The following ABCC9 variants were observed in gnomAD, a reference collection of about 807,000 sequenced individuals.
ABCC9 encodes ATP binding cassette subfamily C member 9, also known as ATP-binding cassette sub-family C member 9.
ABCC9 carries 95 observed loss-of-function variants against 188.3 expected under a neutral mutation model. The ratio of observed to expected loss-of-function variants is 0.50; its 90% CI spans 0.43 to 0.60. The LOEUF (loss-of-function observed/expected upper bound fraction) is 0.60. ABCC9 is among the 20% of genes least tolerant of loss of function. ABCC9 has a pLI of 0.00. For synonymous variants in ABCC9, 659 were observed against 652.7 expected, an observed-to-expected ratio of 1.01 and a Z score of -0.15; for missense variants, 1,102 against 1,876.3, an observed-to-expected ratio of 0.59 and a Z score of 7.62.
chr12:21,828,173 C>T (rs1025878795), intron 31 of ABCC9, among the ~76,000 whole-genome samples: 10 of 152,178 alleles, frequency 6.6e-5, no homozygotes, highest in African/African-American at 2.2e-4. Context: ...GTAGCTTATC[C>T]ATGTTCCGGA....
At chr12:21,927,087 G>A (rs2138008202) in intron 4 of ABCC9, among the ~76,000 whole-genome samples, 1 of 152,288 alleles carries the variant, frequency 6.6e-6, no homozygotes, top group Admixed American at 6.5e-5. Flanking sequence ...CACTGGTCAG[G>A]AAAAGGGTCA....
At chr12:21,900,039 G>A (rs1947641669) in intron 12 of ABCC9, among the ~76,000 whole-genome samples, 2 of 152,218 alleles carry the variant, frequency 1.3e-5, no homozygotes, top group African/African-American at 4.8e-5. Flanking sequence ...CCCCCAAGTA[G>A]CCTAACTGGG....
At chr12:21,894,324 A>G in intron 13 of ABCC9, 150 bp from the exon 14 acceptor site, 2 of 939,310 alleles carry the variant, frequency 2.1e-6, no homozygotes, top group Admixed American at 2.0e-5. Flanking sequence ...CCTAATTAAA[A>G]CAATACTTGC....
At chr12:21,814,018 T>C (rs375075881) in intron 35 of ABCC9, among the ~76,000 whole-genome samples, 29 of 152,316 alleles carry the variant, frequency 1.9e-4, no homozygotes, top group African/African-American at 7.0e-4. Flanking sequence ...ATAGGCCACT[T>C]GATAGACTAA....
At chr12:21,939,885 C>T (rs1047620394) in intron 2 of ABCC9, among the ~76,000 whole-genome samples, 1 of 152,178 alleles carries the variant, frequency 6.6e-6, no homozygotes, top group Admixed American at 6.5e-5. Flanking sequence ...AAGAATCGCA[C>T]CCTCAGTGTT....
intron 39 of ABCC9, chr12:21,805,188 T>A (rs536847089): frequency 6.2e-7 from 1 of 1,613,964 alleles, no homozygotes; most frequent in Non-Finnish European, 8.5e-7. Context: ...TTGTTGGTCA[T>A]CACCAAAGTG....
At chr12:21,928,246 G>A (rs999410393) in intron 4 of ABCC9, among the ~76,000 whole-genome samples, 1 of 143,698 alleles carries the variant, frequency 7.0e-6, no homozygotes, top group African/African-American at 2.6e-5. Flanking sequence ...GAAAGGAAGG[G>A]GAGGGGAGGG....
chr12:21,811,184 C>T (rs1942211514), intron 36 of ABCC9, among the ~76,000 whole-genome samples: 3 of 152,112 alleles, frequency 2.0e-5, no homozygotes, highest in African/African-American at 7.2e-5. Flanking sequence ...CCCCTTCACT[C>T]TCCCTCTTTC....
At chr12:21,893,829 G>T (rs879781793) in intron 14 of ABCC9, among the ~76,000 whole-genome samples, 2 of 152,076 alleles carry the variant, frequency 1.3e-5, no homozygotes, top group Non-Finnish European at 2.9e-5. Flanking sequence ...AAAAATGCTA[G>T]ATAAATTTAA....
chr12:21,861,865 T>C (rs1445670654), intron 20 of ABCC9, among the ~76,000 whole-genome samples: 1 of 152,042 alleles, frequency 6.6e-6, no homozygotes, highest in Non-Finnish European at 1.5e-5. Flanking sequence ...CACACTGTCA[T>C]GCATGCTGAA....
At chr12:21,915,364 A>ATG (rs1948525228) in intron 7 of ABCC9, among the ~76,000 whole-genome samples, 1 of 139,038 alleles carries the variant, frequency 7.2e-6, no homozygotes, top group South Asian at 2.3e-4. Context: ...TATAATGTGT[A>ATG]TATATGTGTG....
rs1555121921 is a variant in ABCC9, at chr12:21,928,346, A to AAAAGAGAAAGAAAG, written c.285-2297_285-2284dup. On this transcript the variant is annotated intron_variant, in intron 4 of 39. Coordinates refer to ENST00000261200, the MANE Select transcript of ABCC9 (RefSeq NM_020297.4). The stretch of plus-strand genomic sequence containing the variant: ...AAGGAAGGAAGGAAGGAAGGGAAGA[A>AAAAGAGAAAGAAAG]AAAGAGAAAGAAAGAAAGAAAAAGA... 7.7e-4 allele frequency among the ~76,000 whole-genome samples: 109 copies of AAAAGAGAAAGAAAG among 141,754 alleles called. No homozygotes were observed. In the Middle Eastern group the frequency reaches 0.014, roughly 19 times the overall value. The allele number at this position is 141,754 out of a possible 152,430, so 93.0% of individuals were successfully genotyped here.
chr12:21,935,742 A>G (rs997203397), intron 3 of ABCC9, among the ~76,000 whole-genome samples: 1 of 152,074 alleles, frequency 6.6e-6, no homozygotes, highest in Non-Finnish European at 1.5e-5. Context: ...TTATTTCTAT[A>G]TTCTTTAGAT....
rs148173267 is a variant in ABCC9 at position 21,882,995 on chromosome 12, T to C, written c.1912-122A>G. 2,412 of 759,316 alleles carry C rather than the reference T, an allele frequency of 3.2e-3. 3 individuals are homozygous for C. Among genetic ancestry groups the C allele is most frequent in the Admixed American group, 4.7e-3 (216 of 46,378 alleles). The allele number at this position is 759,316 out of a possible 1,614,324, so 47.0% of individuals were successfully genotyped here. A position where few individuals can be genotyped will look rare whatever the true frequency, so the allele number is the denominator to read the frequency against. On this transcript the variant is annotated intron_variant, in intron 15 of 39. Coordinates refer to ENST00000261200, the MANE Select transcript of ABCC9 (RefSeq NM_020297.4). ...AAAGAAGTGGATGTTATATTTTAATTATTTCAGTGACTCCTTCATAAAAAA... is the reference window on the plus strand; with the variant it reads ...AAAGAAGTGGATGTTATATTTTAATCATTTCAGTGACTCCTTCATAAAAAA...
At position 21,895,296 on chromosome 12, in the gene ABCC9, A is replaced by G. The variant is rs370463895; in HGVS notation, c.1638T>C (p.Ile546=). Residue 546 remains isoleucine (I), a synonymous_variant, in exon 13 of 40, where the codon ATT becomes ATC. Coordinates refer to ENST00000261200, the MANE Select transcript of ABCC9 (RefSeq NM_020297.4). Reference sequence around the variant, plus strand: ...TTACAGCAAGAACAGCTGCTATGGGAATTGCTGCATTCATGAAGACTGTGG... The same window carrying G: ...TTACAGCAAGAACAGCTGCTATGGGGATTGCTGCATTCATGAAGACTGTGG... ...TSLSIFMNAA[I]PIAAVLATFV... is the part of the protein sequence containing the mutation. 8 of 1,613,776 alleles carry G rather than the reference A, an allele frequency of 5.0e-6. No individual in the cohort carries two copies. The highest frequency in any genetic ancestry group is 6.8e-6 in the Non-Finnish European group (8 of 1,179,722).
intron 30 of ABCC9, among the ~76,000 whole-genome samples, chr12:21,834,784 TATACACACACACAC>T (rs779422600): frequency 0.11 from 3,452 of 30,352 alleles, 52 homozygotes; most frequent in Non-Finnish European, 0.18. Context: ...TATATAACAT[TATACACACACACAC>T]ACACACACAC....
intron 33 of ABCC9, among the ~76,000 whole-genome samples, chr12:21,816,424 C>T (rs1467496927): frequency 4.6e-5 from 7 of 152,002 alleles, no homozygotes; most frequent in East Asian, 3.9e-4. Context: ...GGCAAACCTA[C>T]GGTGCTCTGG....
At chr12:21,833,282 C>A (rs1276708528) in intron 30 of ABCC9, among the ~76,000 whole-genome samples, 1 of 152,028 alleles carries the variant, frequency 6.6e-6, no homozygotes, top group East Asian at 1.9e-4. Flanking sequence ...AATAAATAAA[C>A]TAAAATAAAA....
chr12:21,807,566 G>T, intron 37 of ABCC9, 87 bp from the exon 38 acceptor site: 1 of 1,563,868 alleles, frequency 6.4e-7, no homozygotes, highest in Non-Finnish European at 8.8e-7. Context: ...ACATTATGTT[G>T]TATGACAGCA....
Sources: gnomAD v4.1 joint callset for allele counts (sites outside exome capture counted in the v4.1 genomes callset) on GRCh38, gnomAD v4.1.1 for gene constraint, MANE v1.5 for transcripts, NCBI Gene and HGNC (gene_info 2026-07-23, HGNC 2026-07-21) for gene names.